Variants in DENND4C observed in about 807,000 individuals in gnomAD.
DENND4C encodes DENN domain containing 4C, also known as DENN domain-containing protein 4C.
A neutral mutation model predicts 203.0 loss-of-function variants in DENND4C; 108 were observed. The observed-to-expected ratio is 0.53, with a 90% CI of 0.46 to 0.62. The LOEUF (loss-of-function observed/expected upper bound fraction) is 0.62. Among genes scored for constraint, DENND4C ranks in the 20% least tolerant of loss-of-function variants. DENND4C has a pLI of 0.00. For missense variants in DENND4C, 2,481 were observed against 2,301.2 expected, an observed-to-expected ratio of 1.08 and a Z score of -1.60; for synonymous variants, 871 against 792.4, an observed-to-expected ratio of 1.10 and a Z score of -1.67.
In DENND4C at chr9:19,336,760, A is replaced by C; in HGVS notation, c.2809A>C (p.Asn937His). ...TAGTGTGGATAGTTCTAATGATGCT[A>C]ACAATGGGGAGCACACAGTCTTCGT... Reference protein sequence around the residue: ...HGSVDSSNDANNGEHTVFVRD... With the variant: ...HGSVDSSNDAHNGEHTVFVRD... The change falls in exon 20 of 33, where the codon AAC becomes CAC. Residue 937 changes from asparagine to histidine, a missense_variant. This residue lies in a region of DENND4C where 2,289 missense variants were observed against 2,113.3 expected (regional missense o/e 1.08). Transcript: ENST00000434457. 6.4e-7 allele frequency: 1 copy of C among 1,551,004 alleles called. No homozygotes were observed. The highest frequency in any genetic ancestry group is 1.2e-5 in the South Asian group (1 of 84,062).
At chr9:19,345,655 C>T (rs1325420623) in intron 22 of DENND4C, among the ~76,000 whole-genome samples, 1 of 152,106 alleles carries the variant, frequency 6.6e-6, no homozygotes, top group Non-Finnish European at 1.5e-5. Context: ...ATCCATCTAT[C>T]ATATGTTGCA....
At chr9:19,295,110 G>A (rs1409028517) in intron 5 of DENND4C, among the ~76,000 whole-genome samples, 2 of 152,188 alleles carry the variant, frequency 1.3e-5, no homozygotes, top group African/African-American at 4.8e-5. Context: ...AGTGGCTCAT[G>A]CCTATAATCC....
At chr9:19,306,587 T>A (rs1269132461) in intron 10 of DENND4C, among the ~76,000 whole-genome samples, 1 of 152,112 alleles carries the variant, frequency 6.6e-6, no homozygotes, top group Non-Finnish European at 1.5e-5. Context: ...AATGATTATT[T>A]GTGAAGTTAA....
At chr9:19,366,479 C>T (rs747206932) in intron 30 of DENND4C, among the ~76,000 whole-genome samples, 2 of 152,162 alleles carry the variant, frequency 1.3e-5, no homozygotes, top group Non-Finnish European at 2.9e-5. Flanking sequence ...TGGCGGGTAC[C>T]TGTAGTCCCA....
intron 20 of DENND4C, among the ~76,000 whole-genome samples, chr9:19,338,592 A>G (rs2131887759): frequency 6.6e-6 from 1 of 152,292 alleles, no homozygotes; most frequent in Middle Eastern, 3.4e-3. Context: ...TCTTCAGCCC[A>G]GGTGCTTAAG....
chr9:19,325,210 G>A (rs1843527534), intron 13 of DENND4C, among the ~76,000 whole-genome samples: 2 of 152,010 alleles, frequency 1.3e-5, no homozygotes. Context: ...TTGTTTTAAT[G>A]TCTTTCCAGA....
At chr9:19,244,672 GGA>G (rs1824679339) in intron 1 of DENND4C, among the ~76,000 whole-genome samples, 1 of 151,446 alleles carries the variant, frequency 6.6e-6, no homozygotes, top group Non-Finnish European at 1.5e-5. Flanking sequence ...CCCGGGAGGT[GGA>G]GGTTGCAGTG....
intron 31 of DENND4C, among the ~76,000 whole-genome samples, chr9:19,370,734 C>CTAT (rs754489492): frequency 6.6e-6 from 1 of 152,192 alleles, no homozygotes; most frequent in Non-Finnish European, 1.5e-5. Flanking sequence ...GCTCCTGTCA[C>CTAT]TATTGTCTGC....
At position 19,297,352 on chromosome 9, in the gene DENND4C, T is replaced by C. The variant is rs536870830; in HGVS notation, c.1041-704T>C. 3.9e-5 allele frequency among the ~76,000 whole-genome samples: 6 copies of C among 152,302 alleles called. No individual in the cohort carries two copies. The East Asian group carries it at 5.8e-4, about 15-fold the overall frequency. Reference sequence around the variant, plus strand: ...TGCATAAACTCATCATAATTTGATATTGAAATATGGTTGCAACTTTCATTT... The same window carrying C: ...TGCATAAACTCATCATAATTTGATACTGAAATATGGTTGCAACTTTCATTT... On this transcript the variant is annotated intron_variant, in intron 6 of 32. Transcript: ENST00000434457.
chr9:19,266,801 C>T (rs187641825), intron 1 of DENND4C, among the ~76,000 whole-genome samples: 1 of 152,170 alleles, frequency 6.6e-6, no homozygotes, highest in Admixed American at 6.5e-5. Flanking sequence ...TGGATCCCTT[C>T]CTTACACCTT....
intron 30 of DENND4C, among the ~76,000 whole-genome samples, chr9:19,365,766 T>C (rs560464752): frequency 8.4e-6 from 1 of 119,636 alleles, no homozygotes; most frequent in African/African-American, 2.8e-5. Context: ...AGAAATCAAC[T>C]ATTTCTATAT....
chr9:19,249,689 G>A (rs1182031596), intron 1 of DENND4C, among the ~76,000 whole-genome samples: 1 of 152,178 alleles, frequency 6.6e-6, no homozygotes, highest in African/African-American at 2.4e-5. Flanking sequence ...CATTTTATGT[G>A]TGTGTGTTTG....
Position 19,335,013 on chromosome 9 carries a change from T to C in DENND4C, c.2497T>C (p.Trp833Arg), listed in dbSNP as rs1563814687. Residue 833 changes from tryptophan (W) to arginine (R), a missense_variant, in exon 18 of 33, where the codon TGG (tryptophan) becomes CGG (arginine). Trp to Arg is a moderately radical substitution (Grantham distance 101). Coordinates refer to ENST00000434457, the MANE Select transcript of DENND4C (RefSeq NM_001330640.2). ...AGTAGTGATGCAGCTTTGTGGACTT[T>C]GGGGTCATCCTGTTTTAGCAGTGAG... is the stretch of plus-strand genomic sequence containing the variant. ...YRVVMQLCGLWGHPVLAVRVL... is the reference protein window; with the variant it reads ...YRVVMQLCGLRGHPVLAVRVL... 3 of 1,612,254 alleles carry C rather than the reference T, an allele frequency of 1.9e-6. No individual in the cohort carries two copies. Among genetic ancestry groups the C allele is most frequent in the South Asian group, 2.2e-5 (2 of 90,748 alleles).
intron 1 of DENND4C, among the ~76,000 whole-genome samples, chr9:19,268,131 A>G (rs1250645823): frequency 4.1e-5 from 6 of 145,788 alleles, no homozygotes; most frequent in Admixed American, 7.0e-5. Flanking sequence ...ACAGAGTCTT[A>G]TTCTGTCGCC....
At chr9:19,337,824 A>T (rs1820816382) in intron 20 of DENND4C, among the ~76,000 whole-genome samples, 1 of 152,190 alleles carries the variant, frequency 6.6e-6, no homozygotes. Flanking sequence ...TAGACTCTTG[A>T]AAATATCCAG....
intron 30 of DENND4C, among the ~76,000 whole-genome samples, chr9:19,366,063 A>G (rs1827598985): frequency 6.6e-6 from 1 of 152,212 alleles, no homozygotes; most frequent in Non-Finnish European, 1.5e-5. Flanking sequence ...TAAATTGACA[A>G]GTGAATCTTG....
At chr9:19,230,886 C>G (rs1226944599) in intron 1 of DENND4C, 53 bp downstream of exon 1, 2 of 152,376 alleles carry the variant, frequency 1.3e-5, no homozygotes, top group Non-Finnish European at 2.9e-5. Context: ...CGTGCCCTCG[C>G]GGGGCCTGCG....
At chr9:19,310,844 T>C (rs1303892400) in intron 10 of DENND4C, among the ~76,000 whole-genome samples, 1 of 152,172 alleles carries the variant, frequency 6.6e-6, no homozygotes, top group Non-Finnish European at 1.5e-5. Flanking sequence ...TTTTCTCCTT[T>C]ACTCTGTGTG....
chr9:19,350,001 A>G (rs915857864), intron 23 of DENND4C, among the ~76,000 whole-genome samples: 7 of 152,122 alleles, frequency 4.6e-5, no homozygotes, highest in Admixed American at 2.0e-4. Flanking sequence ...TCTGTATTTA[A>G]TTTTTTAAAA....
Sources: gnomAD v4.1 joint callset for allele counts (sites outside exome capture counted in the v4.1 genomes callset) on GRCh38, gnomAD v4.1.1 for gene constraint, gnomAD v4.1.1 regional missense constraint, MANE v1.5 for transcripts, NCBI Gene and HGNC (gene_info 2026-07-23, HGNC 2026-07-21) for gene names.